FBXO25: variants seen among roughly 807,000 people sequenced by gnomAD.
The protein encoded by FBXO25 is F-box only protein 25.
A neutral mutation model predicts 51.9 loss-of-function variants in FBXO25; 45 were observed. The observed-to-expected ratio is 0.87, with a 90% CI of 0.68 to 1.11. FBXO25 has a LOEUF of 1.11. Ranked by LOEUF, FBXO25 falls within the 50% of genes most tolerant of loss-of-function variation. The probability of loss-of-function intolerance (pLI) is 0.00; values close to 1 mark genes in which losing one functional copy is unlikely to be tolerated. For missense variants in FBXO25, 507 were observed against 428.5 expected (o/e 1.18, Z -1.62); for synonymous variants, 199 against 151.0 (o/e 1.32, Z -2.33).
At chr8:412,157 G>A (rs1796516444) in intron 1 of FBXO25, among the ~76,000 whole-genome samples, 1 of 152,068 alleles carries the variant, frequency 6.6e-6, no homozygotes, top group Admixed American at 6.6e-5. Context: ...TTTTATACCT[G>A]GAGTCTGGTA....
Position 462,989 on chromosome 8 carries a change from G to A in FBXO25, c.844-18G>A. 1.3e-6 allele frequency: 2 copies of A among 1,593,272 alleles called. No individual in the cohort carries two copies. The highest frequency in any genetic ancestry group is 8.5e-7 in the Non-Finnish European group (1 of 1,172,572). On this transcript the variant is annotated intron_variant, in intron 8 of 9. Transcript: ENST00000350302. ...AAGTCATCTTATGCGGATTCTGAAT[G>A]GAGTTTTGTTTGTTTAGTTTTGTAG...
In FBXO25 at chr8:458,585, G is replaced by A. The variant is rs779457441; in HGVS notation, c.843+34G>A. 6.4e-5 allele frequency: 102 copies of A among 1,604,726 alleles called. 3 individuals are homozygous for A. In the South Asian group the frequency reaches 9.8e-4, roughly 15 times the overall value. On this transcript the variant is annotated intron_variant, in intron 8 of 9. Transcript: ENST00000350302. ...GATGCAGCAGTCTCCCCTCAGGCTG[G>A]GAGTTTATAGACTCTGCCTGGGGGC... is the stretch of plus-strand genomic sequence containing the variant.
At chr8:428,396 T>C (rs139000991) in intron 2 of FBXO25, among the ~76,000 whole-genome samples, 28 of 152,304 alleles carry the variant, frequency 1.8e-4, no homozygotes, top group African/African-American at 6.5e-4. Context: ...CCGCTTGTGT[T>C]GTATAACGTT....
chr8:457,799 T>C (rs1232814643), intron 7 of FBXO25, among the ~76,000 whole-genome samples: 4 of 152,128 alleles, frequency 2.6e-5, no homozygotes, highest in South Asian at 4.1e-4. Flanking sequence ...TGTAGACAGA[T>C]TGCATTTATC....
rs1161804055 is a variant in FBXO25 at position 463,032 on chromosome 8, A to G, written c.869A>G (p.Glu290Gly). Residue 290 changes from glutamate (E) to glycine (G), a missense_variant, in exon 9 of 10, where the codon GAA becomes GGA. By Grantham distance (98) the Glu-to-Gly change is moderately conservative (BLOSUM62 -2). Coordinates refer to ENST00000350302, the MANE Select transcript of FBXO25 (RefSeq NM_183420.2). ...TTTTGTAGACATTTGATCCTTTCAG[A>G]AAAAGGTCATATTGAATGGAAGTTG... ...KQFCRHLILS[E>G]KGHIEWKLMY... 7 of 1,611,574 alleles carry G rather than the reference A, an allele frequency of 4.3e-6. No individual in the cohort carries two copies. The highest frequency in any genetic ancestry group is 2.7e-5 in the African/African-American group (2 of 74,852).
rs572758781 is a variant in FBXO25, at chr8:443,371, A to T, written c.382-6619A>T. ...TCACCATATTTATCCTACCAACAAG[A>T]TAATTTGTAGAGTATGACTAAACAC... On this transcript the variant is annotated intron_variant, in intron 5 of 9. Transcript: ENST00000350302. Among the ~76,000 whole-genome samples the T allele has an allele frequency of 1.9e-4, 29 of 151,286 alleles. No individual in the cohort carries two copies. In the East Asian group the frequency reaches 4.4e-3, roughly 23 times the overall value.
In FBXO25 at chr8:468,871, G is replaced by A; in HGVS notation, c.*67G>A. On this transcript the variant is annotated 3_prime_UTR_variant, in exon 10 of 10. Coordinates refer to ENST00000350302, the MANE Select transcript of FBXO25 (RefSeq NM_183420.2). ...TGTCTGTGCAGGGCTCATAGTGAGT[G>A]TTCTGTGAGGTGGGTGGAGACTCCT... The A allele has an allele frequency of 6.8e-7, 1 of 1,465,184 alleles. No individual in the cohort carries two copies. Among genetic ancestry groups the A allele is most frequent in the South Asian group, 1.2e-5 (1 of 81,802 alleles). The allele number at this position is 1,465,184 out of a possible 1,614,324, so 90.8% of individuals were successfully genotyped here.
chr8:440,088 G>A (rs907035397), intron 5 of FBXO25, among the ~76,000 whole-genome samples: 8 of 152,296 alleles, frequency 5.3e-5, no homozygotes, highest in East Asian at 1.9e-4. Context: ...CCTCCCAGGC[G>A]GGGACTCGAG....
At position 477,815 on chromosome 8, in the gene FBXO25, C is replaced by T. The variant is rs1349996451; in HGVS notation, c.*9011C>T. On this transcript the variant is annotated 3_prime_UTR_variant, in exon 10 of 10. Coordinates refer to ENST00000350302, the MANE Select transcript of FBXO25 (RefSeq NM_183420.2). ...GTCATTAGATATTACCCTTTTACAT[C>T]TTTTCACTATTTAAAAATGTAAAAA... 1 of 152,218 alleles carries T rather than the reference C, an allele frequency of 6.6e-6. No individual in the cohort carries two copies. Among genetic ancestry groups the T allele is most frequent in the African/African-American group, 2.4e-5 (1 of 41,446 alleles). The allele number at this position is 152,218 out of a possible 1,614,324, so 9.4% of individuals were successfully genotyped here.
chr8:407,799 T>C lies in FBXO25; in HGVS notation c.-8+733T>C, dbSNP rs1221459257. ...TGTCTCTGTCTCCTCCCTTAATTTCTTTCCATGCTTATTTTTCTTGCAGCA... is the reference window on the plus strand; with the variant it reads ...TGTCTCTGTCTCCTCCCTTAATTTCCTTCCATGCTTATTTTTCTTGCAGCA... On this transcript the variant is annotated intron_variant, in intron 1 of 9. Transcript: ENST00000350302. 2.6e-5 allele frequency among the ~76,000 whole-genome samples: 4 copies of C among 152,284 alleles called. 1 individual carries two copies. The highest frequency in any genetic ancestry group is 7.2e-5 in the African/African-American group (3 of 41,546).
chr8:456,186 T>G (rs1162936058), intron 7 of FBXO25, among the ~76,000 whole-genome samples: 2 of 152,228 alleles, frequency 1.3e-5, no homozygotes, highest in Non-Finnish European at 2.9e-5. Flanking sequence ...GGGGTTAATT[T>G]ACTTGCACGT....
intron 5 of FBXO25, among the ~76,000 whole-genome samples, chr8:436,987 C>G (rs1585046903): frequency 6.6e-6 from 1 of 152,186 alleles, no homozygotes. Flanking sequence ...TGCGAGTATT[C>G]TGTGCTTTGT....
intron 3 of FBXO25, 34 bp downstream of exon 3, chr8:431,478 T>A (rs767393593): frequency 3.7e-6 from 4 of 1,085,734 alleles, no homozygotes; most frequent in Non-Finnish European, 5.4e-6. Context: ...ATTTTACTTG[T>A]TGATTACGTT....
chr8:425,868 G>T (rs576582009), intron 2 of FBXO25, among the ~76,000 whole-genome samples: 16 of 146,990 alleles, frequency 1.1e-4, no homozygotes, highest in African/African-American at 3.5e-4. Context: ...TATCCTTTTG[G>T]TATTTAGGAG....
intron 9 of FBXO25, chr8:468,346 A>C: frequency 1.2e-6 from 1 of 868,304 alleles, no homozygotes; most frequent in Non-Finnish European, 1.4e-6. Context: ...AGGACAGGAC[A>C]AAGGAATGGC....
chr8:413,700 A>G (rs961934201), intron 2 of FBXO25, among the ~76,000 whole-genome samples: 36 of 152,174 alleles, frequency 2.4e-4, no homozygotes, highest in Non-Finnish European at 4.7e-4. Context: ...AAAACGGTGT[A>G]TTACCTGCTA....
In FBXO25 at chr8:476,905, G is replaced by A. The variant is rs996623915; in HGVS notation, c.*8101G>A. 3 of 152,046 alleles carry A rather than the reference G, an allele frequency of 2.0e-5. No homozygotes were observed. Among genetic ancestry groups the A allele is most frequent in the Admixed American group, 6.5e-5 (1 of 15,276 alleles). 9.4% of individuals were successfully genotyped at this position (152,046 alleles called of 1,614,324 possible). ...AGATGTAAATTTAGGGTTGACTTGA[G>A]ATCTTAATTTGTTTAATAGGTGTAT... On this transcript the variant is annotated 3_prime_UTR_variant, in exon 10 of 10. Coordinates refer to ENST00000350302, the MANE Select transcript of FBXO25 (RefSeq NM_183420.2).
At chr8:412,376 C>T (rs1796529135) in intron 1 of FBXO25, among the ~76,000 whole-genome samples, 1 of 152,188 alleles carries the variant, frequency 6.6e-6, no homozygotes, top group African/African-American at 2.4e-5. Context: ...TCTGCAGTCT[C>T]TGCTCTTCTG....
intron 2 of FBXO25, among the ~76,000 whole-genome samples, chr8:419,534 A>G (rs1797026004): frequency 6.6e-6 from 1 of 152,218 alleles, no homozygotes; most frequent in African/African-American, 2.4e-5. Context: ...ACAGTGGTGT[A>G]AAGGCACCTC....
Sources: allele counts gnomAD v4.1 joint callset (sites outside exome capture counted in the v4.1 genomes callset), GRCh38; gene constraint gnomAD v4.1.1; transcripts MANE v1.5; gene names NCBI Gene and HGNC (gene_info 2026-07-23, HGNC 2026-07-21).